Variants in TSBP1 observed in about 807,000 individuals in gnomAD.
TSBP1 encodes testis expressed basic protein 1.
In TSBP1, 56 loss-of-function variants were observed where a neutral mutation model predicts 68.8. That is an observed-to-expected ratio of 0.81 (90% CI 0.66 to 1.02). TSBP1 has a LOEUF of 1.02. Ranked by LOEUF, TSBP1 falls within the 50% of genes least tolerant of loss-of-function variation. The probability of loss-of-function intolerance (pLI) is 0.00; values close to 1 mark genes in which losing one functional copy is unlikely to be tolerated. For synonymous variants in TSBP1, 171 were observed against 208.7 expected (o/e 0.82, Z 1.56); for missense variants, 502 against 641.2 (o/e 0.78, Z 2.34).
At chr6:32,323,264 T>C (rs1767842594) in intron 17 of TSBP1, 127 bp from the exon 19 acceptor site, 1 of 682,762 alleles carries the variant, frequency 1.5e-6, no homozygotes, top group African/African-American at 1.8e-5. Context: ...TCTATGACTA[T>C]GTATTCTTGA....
intron 22 of TSBP1, among the ~76,000 whole-genome samples, chr6:32,296,920 C>T (rs1038185686): frequency 6.6e-6 from 1 of 152,176 alleles, no homozygotes; most frequent in Non-Finnish European, 1.5e-5. Context: ...CTTTCTCCCA[C>T]TACACTGAAA....
Position 32,293,400 on chromosome 6 carries a change from C to A in TSBP1, c.1273G>T (p.Glu425Ter). The A allele has an allele frequency of 6.2e-7, 1 of 1,612,958 alleles. No individual in the cohort carries two copies. Among genetic ancestry groups the A allele is most frequent in the Non-Finnish European group, 8.5e-7 (1 of 1,180,008 alleles). The change falls in exon 23 of 23, where the codon GAA becomes TAA. Residue 425 changes from glutamate (E) to a stop codon, truncating the protein, a stop_gained. Transcript: ENST00000612031. LOFTEE classifies it low-confidence loss of function (END_TRUNC). ...GCCTCAGTCTTCTCTACTTGGCCTT[C>A]TTGTCCTTTTGGTACCTTCAACTCA...
At chr6:32,332,941 C>T (rs1769219913) in intron 14 of TSBP1, among the ~76,000 whole-genome samples, 1 of 151,824 alleles carries the variant, frequency 6.6e-6, no homozygotes, top group Non-Finnish European at 1.5e-5. Context: ...AGAATTTGGC[C>T]TTCAGTTGAT....
Position 32,315,723 on chromosome 6 carries a change from A to G in TSBP1, c.580+49T>C, listed in dbSNP as rs761327273. 12 of 1,282,164 alleles carry G rather than the reference A, an allele frequency of 9.4e-6. No individual in the cohort carries two copies. Among genetic ancestry groups the G allele is most frequent in the Non-Finnish European group, 1.3e-5 (12 of 932,884 alleles). The allele number at this position is 1,282,164 out of a possible 1,614,324, so 79.4% of individuals were successfully genotyped here. A position where few individuals can be genotyped will look rare whatever the true frequency, so the allele number is the denominator to read the frequency against. On this transcript the variant is annotated intron_variant, in intron 19 of 22. Coordinates refer to ENST00000612031, the Ensembl canonical transcript of TSBP1. This position sits in a 1 kb window ranked among gnomAD's most constrained non-coding sequence, Gnocchi z 5.4. ...CTTTTGGATACTTAGAAGTGGAAAC[A>G]TCTAACATAAATCTCCACATATGAC...
Position 32,351,070 on chromosome 6 carries a change from G to T in TSBP1, c.260-1241C>A, listed in dbSNP as rs113858268. ...TGGAACTGATAGATAATAAATTTGT[G>T]TTGTTTTAAGCCATTAAGTTTGTGG... On this transcript the variant is annotated intron_variant, in intron 8 of 22. Coordinates refer to ENST00000612031, the Ensembl canonical transcript of TSBP1. Among the ~76,000 whole-genome samples, 292 of 152,260 alleles carry T rather than the reference G, an allele frequency of 1.9e-3. 1 individual carries two copies. Among genetic ancestry groups the T allele is most frequent in the Non-Finnish European group, 2.0e-3 (139 of 67,990 alleles).
intron 19 of TSBP1, among the ~76,000 whole-genome samples, chr6:32,309,852 TCTAA>T (rs1351563528): frequency 6.6e-6 from 1 of 152,162 alleles, no homozygotes; most frequent in Non-Finnish European, 1.5e-5. Flanking sequence ...ATCCATTCTA[TCTAA>T]CTATTTTTGT....
At chr6:32,294,564 C>T (rs1186479380) in intron 22 of TSBP1, among the ~76,000 whole-genome samples, 1 of 152,164 alleles carries the variant, frequency 6.6e-6, no homozygotes, top group East Asian at 1.9e-4. Context: ...TCATTTGATA[C>T]TCACAACAAC....
At chr6:32,319,673 C>T (rs1767386219) in intron 18 of TSBP1, among the ~76,000 whole-genome samples, 1 of 152,100 alleles carries the variant, frequency 6.6e-6, no homozygotes, top group Non-Finnish European at 1.5e-5. Context: ...GCACACTCCC[C>T]CTTCTATACC....
In TSBP1 at chr6:32,304,852, CTTATT is replaced by C. The variant is rs1268803666; in HGVS notation, c.581-2228_581-2224del. Reference sequence around the variant, plus strand: ...TAAAACTCTTCAAGAGTTAGTAATACTTATTTTAAGTTTTGCTTCTTTTACTTTTT... The same window carrying C: ...TAAAACTCTTCAAGAGTTAGTAATACTTAAGTTTTGCTTCTTTTACTTTTT... On this transcript the variant is annotated intron_variant, in intron 19 of 22. Coordinates refer to ENST00000612031, the Ensembl canonical transcript of TSBP1. This position sits in a 1 kb window ranked among gnomAD's most constrained non-coding sequence, Gnocchi z 4.8. Among the ~76,000 whole-genome samples, 5 of 151,982 alleles carry C rather than the reference CTTATT, an allele frequency of 3.3e-5. No homozygotes were observed. Among genetic ancestry groups the C allele is most frequent in the African/African-American group, 1.2e-4 (5 of 41,386 alleles).
At chr6:32,293,997 T>G in exon 23 of TSBP1, 1 of 1,611,850 alleles carries the variant, frequency 6.2e-7, no homozygotes, top group Non-Finnish European at 8.5e-7. Context: ...GAACAAGATT[T>G]TTTTGCAAGT....
chr6:32,320,841 T>A (rs559018534), intron 18 of TSBP1, among the ~76,000 whole-genome samples: 1 of 152,244 alleles, frequency 6.6e-6, no homozygotes, highest in South Asian at 2.1e-4. Flanking sequence ...GCTCCCACCC[T>A]CCACCCTCTG....
chr6:32,315,926 T>A lies in TSBP1; in HGVS notation c.560-134A>T, dbSNP rs1462442411. On this transcript the variant is annotated intron_variant, in intron 18 of 22. Transcript: ENST00000612031. The surrounding 1 kb of genome is among the most constrained non-coding windows in gnomAD (Gnocchi z 5.4). Reference sequence around the variant, plus strand: ...AAGAAGGAAGCATTCCAAACCACCCTATAGATTAGTTTTAGATTAGTTTTA... The same window carrying A: ...AAGAAGGAAGCATTCCAAACCACCCAATAGATTAGTTTTAGATTAGTTTTA... The A allele has an allele frequency of 1.1e-5, 6 of 560,076 alleles. No individual in the cohort carries two copies. Among genetic ancestry groups the A allele is most frequent in the African/African-American group, 1.9e-5 (1 of 53,238 alleles). The allele number at this position is 560,076 out of a possible 1,614,324, so 34.7% of individuals were successfully genotyped here. A position where few individuals can be genotyped will look rare whatever the true frequency, so the allele number is the denominator to read the frequency against.
rs1766703726 is a variant in TSBP1, at chr6:32,314,106, A to G, written c.580+1666T>C. Among the ~76,000 whole-genome samples, 1 of 151,666 alleles carries G rather than the reference A, an allele frequency of 6.6e-6. No individual in the cohort carries two copies. The highest frequency in any genetic ancestry group is 2.4e-5 in the African/African-American group (1 of 41,242). ...TTAACTTTAGCTTTCCTTTCTTTAT[A>G]TGTGTTCCTATATTCCATTTCTGCT... On this transcript the variant is annotated intron_variant, in intron 19 of 22. Transcript: ENST00000612031. This position sits in a 1 kb window ranked among gnomAD's most constrained non-coding sequence, Gnocchi z 4.2.
At chr6:32,349,195 CTTTTTTTT>C (rs9279592) in intron 9 of TSBP1, among the ~76,000 whole-genome samples, 2 of 134,408 alleles carry the variant, frequency 1.5e-5, no homozygotes, top group South Asian at 2.4e-4. Context: ...CCATTTCTTT[CTTTTTTTT>C]TTTTTTTTTG....
intron 8 of TSBP1, among the ~76,000 whole-genome samples, chr6:32,350,966 A>G (rs1219184931): frequency 3.3e-5 from 5 of 152,190 alleles, no homozygotes; most frequent in Non-Finnish European, 7.4e-5. Flanking sequence ...ATTTGTTCCT[A>G]GAACCTCCAG....
At position 32,361,683 on chromosome 6, in the gene TSBP1, A is replaced by T. The variant is rs1315136167; in HGVS notation, c.217+4484T>A. 6.6e-6 allele frequency among the ~76,000 whole-genome samples: 1 copy of T among 151,854 alleles called. No individual in the cohort carries two copies. The highest frequency in any genetic ancestry group is 1.5e-5 in the Non-Finnish European group (1 of 67,974). On this transcript the variant is annotated intron_variant, in intron 6 of 22. Transcript: ENST00000612031. This position sits in a 1 kb window ranked among gnomAD's most constrained non-coding sequence, Gnocchi z 4.3. ...GGCTGCGTAAATGTCTTCTTTTAAG[A>T]ATTGTCTGTTCATGGACTAAGGTTC...
At chr6:32,344,213 G>A (rs1196993684) in intron 9 of TSBP1, among the ~76,000 whole-genome samples, 7 of 149,608 alleles carry the variant, frequency 4.7e-5, no homozygotes, top group African/African-American at 1.2e-4. Flanking sequence ...CCATTAACTC[G>A]TCATTTAGCA....
chr6:32,296,779 A>C (rs1231256005), intron 22 of TSBP1, among the ~76,000 whole-genome samples: 3 of 152,192 alleles, frequency 2.0e-5, no homozygotes, highest in African/African-American at 7.2e-5. Flanking sequence ...GACTCATTTT[A>C]ACCTAAATTT....
intron 18 of TSBP1, 69 bp downstream of exon 20, chr6:32,322,417 C>A: frequency 1.7e-6 from 2 of 1,148,046 alleles, no homozygotes; most frequent in Non-Finnish European, 1.3e-6. Flanking sequence ...ATATGAGGCA[C>A]TTAGAAATAG....
Sources: gnomAD v4.1 joint callset for allele counts (sites outside exome capture counted in the v4.1 genomes callset) on GRCh38, gnomAD v4.1.1 for gene constraint, Gnocchi (gnomAD v3.1) non-coding constraint, MANE v1.5 for transcripts, NCBI Gene and HGNC (gene_info 2026-07-23, HGNC 2026-07-21) for gene names.